Variants in RFWD3 observed in about 807,000 individuals in gnomAD.
The protein encoded by RFWD3 is ring finger and WD repeat domain 3.
In RFWD3, 65 loss-of-function variants were observed where a neutral mutation model predicts 87.7. The ratio of observed to expected loss-of-function variants is 0.74; its 90% CI spans 0.61 to 0.91. The LOEUF (loss-of-function observed/expected upper bound fraction) is 0.91. Ranked by LOEUF, RFWD3 falls within the 40% of genes least tolerant of loss-of-function variation. RFWD3 has a pLI of 0.00. For missense variants in RFWD3, 1,078 were observed against 938.5 expected, an observed-to-expected ratio of 1.15 and a Z score of -1.94; for synonymous variants, 433 against 352.8, an observed-to-expected ratio of 1.23 and a Z score of -2.55.
chr16:74,626,004 G>A (rs571172425), intron 12 of RFWD3, among the ~76,000 whole-genome samples: 7 of 152,292 alleles, frequency 4.6e-5, no homozygotes, highest in South Asian at 2.1e-4. Flanking sequence ...TGGCCAACAC[G>A]GTGAAACCCT....
intron 1 of RFWD3, 29 bp from the exon 2 acceptor site, chr16:74,661,480 T>G (rs755753338): frequency 1.6e-5 from 24 of 1,536,224 alleles, no homozygotes; most frequent in Non-Finnish European, 2.0e-5. Context: ...TAAAAAGTAT[T>G]AATAAAATAG....
At chr16:74,663,707 C>A (rs1961649250) in intron 1 of RFWD3, among the ~76,000 whole-genome samples, 1 of 152,118 alleles carries the variant, frequency 6.6e-6, no homozygotes, top group African/African-American at 2.4e-5. Context: ...GATATGCAAA[C>A]CAGTTTTTTA....
chr16:74,643,991 G>C (rs547376029), intron 6 of RFWD3: 5 of 282,998 alleles, frequency 1.8e-5, no homozygotes, highest in East Asian at 1.6e-4. Context: ...CAACTGTTTT[G>C]TGCTTCCGAA....
chr16:74,661,505 G>T, intron 1 of RFWD3, 54 bp from the exon 2 acceptor site: 1 of 1,373,180 alleles, frequency 7.3e-7, no homozygotes, highest in Non-Finnish European at 9.9e-7. Context: ...AACATGCTAT[G>T]TAGGTGACAG....
At position 74,661,170 on chromosome 16, in the gene RFWD3, T is replaced by C. The variant is rs767019872; in HGVS notation, c.280A>G (p.Ile94Val). 1 of 1,614,252 alleles carries C rather than the reference T, an allele frequency of 6.2e-7. No homozygotes were observed. ...TGTTGTTCTGAAGTTCTTGGATTGATGTTCTCCACAGTGTCTTCTCCCAAG... is the reference window on the plus strand; with the variant it reads ...TGTTGTTCTGAAGTTCTTGGATTGACGTTCTCCACAGTGTCTTCTCCCAAG... ...EVLGEDTVEN[I>V]NPRTSEQHRQ... The change falls in exon 2 of 13, where the codon ATC (isoleucine) becomes GTC (valine). Residue 94 changes from isoleucine (I) to valine (V), a missense_variant. Ile to Val is a conservative substitution (Grantham distance 29, BLOSUM62 3). Transcript: ENST00000361070.
chr16:74,657,096 T>C (rs1022438531), intron 2 of RFWD3, among the ~76,000 whole-genome samples: 2 of 152,184 alleles, frequency 1.3e-5, no homozygotes, highest in Admixed American at 6.5e-5. Context: ...TCAAGAGTAG[T>C]CTTGCAAATG....
chr16:74,657,123 C>A (rs1441378304), intron 2 of RFWD3, among the ~76,000 whole-genome samples: 1 of 152,136 alleles, frequency 6.6e-6, no homozygotes, highest in Non-Finnish European at 1.5e-5. Context: ...TCCAGAGAAC[C>A]ACCAACAGGT....
intron 8 of RFWD3, among the ~76,000 whole-genome samples, chr16:74,634,642 G>A (rs1398474795): frequency 6.6e-6 from 1 of 152,052 alleles, no homozygotes; most frequent in Non-Finnish European, 1.5e-5. Context: ...TCCCGCCTTG[G>A]CCTCCCAAAG....
Position 74,639,555 on chromosome 16 carries a change from C to T in RFWD3, c.1080-1585G>A, listed in dbSNP as rs554919694. Among the ~76,000 whole-genome samples, 4 of 152,298 alleles carry T rather than the reference C, an allele frequency of 2.6e-5. No individual in the cohort carries two copies. The South Asian group carries it at 8.3e-4, about 32-fold the overall frequency. On this transcript the variant is annotated intron_variant, in intron 6 of 12. Coordinates refer to ENST00000361070, the MANE Select transcript of RFWD3 (RefSeq NM_018124.4). ...ACAGTGAACAAATGGAAGGATATTA[C>T]ATAATGTTCATGACTGAAAAGACTA... is the stretch of plus-strand genomic sequence containing the variant.
intron 11 of RFWD3, among the ~76,000 whole-genome samples, chr16:74,627,606 C>T (rs1190736046): frequency 7.2e-5 from 11 of 152,198 alleles, no homozygotes; most frequent in Admixed American, 7.2e-4. Context: ...AGTCAGGGCT[C>T]TTCTAGAGAG....
At chr16:74,646,535 C>G (rs537128611) in intron 4 of RFWD3, among the ~76,000 whole-genome samples, 1 of 152,304 alleles carries the variant, frequency 6.6e-6, no homozygotes, top group South Asian at 2.1e-4. Context: ...CACCTGTAAT[C>G]CTAGCACTTT....
chr16:74,642,359 G>A (rs538866691), intron 6 of RFWD3, among the ~76,000 whole-genome samples: 1 of 152,058 alleles, frequency 6.6e-6, no homozygotes, highest in South Asian at 2.1e-4. Context: ...CCTGAGCTCA[G>A]GCGATCTGCC....
chr16:74,632,784 G>C, intron 8 of RFWD3, 111 bp from the exon 9 acceptor site: 1 of 951,346 alleles, frequency 1.1e-6, no homozygotes, highest in Non-Finnish European at 1.6e-6. Flanking sequence ...ATAAGTCCTT[G>C]GGAACCAGCT....
intron 4 of RFWD3, among the ~76,000 whole-genome samples, chr16:74,645,745 CTTTTTTTTTTTTTTTT>C (rs71376293): frequency 1.3e-5 from 1 of 74,212 alleles, no homozygotes; most frequent in Non-Finnish European, 2.3e-5. Flanking sequence ...CAAATATTTT[CTTTTTTTTTTTTTTTT>C]TTTTTTTTTG....
intron 12 of RFWD3, among the ~76,000 whole-genome samples, chr16:74,625,213 A>G (rs991815477): frequency 5.4e-5 from 8 of 148,808 alleles, no homozygotes; most frequent in African/African-American, 7.5e-5. Context: ...AAAAAAAAAA[A>G]GTAGAGAGGG....
chr16:74,632,728 T>C, intron 8 of RFWD3, 55 bp from the exon 9 acceptor site: 1 of 1,560,388 alleles, frequency 6.4e-7, no homozygotes, highest in Non-Finnish European at 8.8e-7. Flanking sequence ...CTAGGGCAAT[T>C]CAAACTAGTT....
intron 1 of RFWD3, 24 bp from the exon 2 acceptor site, chr16:74,661,475 A>C (rs568836357): frequency 2.6e-6 from 4 of 1,553,086 alleles, no homozygotes; most frequent in Non-Finnish European, 3.5e-6. Context: ...ATTTGTAAAA[A>C]GTATTAATAA....
Position 74,636,565 on chromosome 16 carries a change from G to T in RFWD3, c.1207C>A (p.Leu403Ile), listed in dbSNP as rs889152263. 3 of 1,612,106 alleles carry T rather than the reference G, an allele frequency of 1.9e-6. No individual in the cohort carries two copies. Among genetic ancestry groups the T allele is most frequent in the Non-Finnish European group, 2.5e-6 (3 of 1,178,980 alleles). ...AAATTCTGACTTTGATGTGACGTAA[G>T]TTTTTGCAAGTCCTAAAATGAAAAA... ...LQRRVQDLQK[L>I]TSHQSQNLQQ... Residue 403 changes from leucine (L) to isoleucine (I), a missense_variant, in exon 8 of 13, where the codon CTT (leucine) becomes ATT (isoleucine). By Grantham distance (5) the Leu-to-Ile change is conservative. Coordinates refer to ENST00000361070, the MANE Select transcript of RFWD3 (RefSeq NM_018124.4).
intron 6 of RFWD3, among the ~76,000 whole-genome samples, chr16:74,640,334 C>G (rs1959525316): frequency 6.6e-6 from 1 of 151,616 alleles, no homozygotes. Context: ...TTAGTAGAGA[C>G]ACGGTTTCAT....
Sources: allele counts gnomAD v4.1 joint callset (sites outside exome capture counted in the v4.1 genomes callset), GRCh38; gene constraint gnomAD v4.1.1; transcripts MANE v1.5; gene names NCBI Gene and HGNC (gene_info 2026-07-23, HGNC 2026-07-21).